The following EDNRA variants were observed in gnomAD, a reference collection of about 807,000 sequenced individuals.
EDNRA encodes the protein endothelin receptor type A, also known as endothelin-1 receptor.
In EDNRA, 11 loss-of-function variants were observed where a neutral mutation model predicts 41.4. The observed-to-expected ratio is 0.27, with a 90% confidence interval of 0.17 to 0.44. The LOEUF is 0.44. EDNRA is among the 20% of genes least tolerant of loss of function. The pLI is 1.00. For synonymous variants in EDNRA, 172 were observed against 183.0 expected (o/e 0.94, Z 0.49); for missense variants, 294 against 531.0 (o/e 0.55, Z 4.39).
chr4:147,481,705 G>C (rs1728764781), intron 1 of EDNRA, among the ~76,000 whole-genome samples: 4 of 152,244 alleles, frequency 2.6e-5, no homozygotes, highest in African/African-American at 9.6e-5. Flanking sequence ...CCCCAGGCAT[G>C]CAAGAACTTT....
At chr4:147,496,594 T>A (rs1729307793) in intron 2 of EDNRA, among the ~76,000 whole-genome samples, 1 of 152,256 alleles carries the variant, frequency 6.6e-6, no homozygotes, top group Non-Finnish European at 1.5e-5. Context: ...GTCACTATCC[T>A]AACCCCTAAG....
intron 2 of EDNRA, among the ~76,000 whole-genome samples, chr4:147,518,093 G>A (rs1258105583): frequency 1.3e-5 from 2 of 152,100 alleles, no homozygotes; most frequent in African/African-American, 2.4e-5. Context: ...TCCCATAACC[G>A]TGCCTACACT....
chr4:147,488,408 T>C (rs1310110693), intron 2 of EDNRA: 1 of 152,240 alleles, frequency 6.6e-6, no homozygotes, highest in East Asian at 1.9e-4. Context: ...TATTCTTATT[T>C]GACCATATTG....
chr4:147,486,253 T>C lies in EDNRA; in HGVS notation c.420+152T>C, dbSNP rs866074394. The C allele has an allele frequency of 2.4e-6, 2 of 841,126 alleles. No homozygotes were observed. Among genetic ancestry groups the C allele is most frequent in the South Asian group, 2.0e-5 (1 of 51,124 alleles). 52.1% of individuals were successfully genotyped at this position (841,126 alleles called of 1,614,324 possible). Reference sequence around the variant, plus strand: ...TCTTCTAACTACTAGTTTTAAGATTTACAAATTTTATTATCTGTCTTATGT... The same window carrying C: ...TCTTCTAACTACTAGTTTTAAGATTCACAAATTTTATTATCTGTCTTATGT... On this transcript the variant is annotated intron_variant, in intron 2 of 7. Transcript: ENST00000651419. The surrounding 1 kb of genome is among the most constrained non-coding windows in gnomAD (Gnocchi z 4.3).
At chr4:147,539,092 G>A (rs1731012926) in intron 5 of EDNRA, among the ~76,000 whole-genome samples, 1 of 151,910 alleles carries the variant, frequency 6.6e-6, no homozygotes, top group Non-Finnish European at 1.5e-5. Context: ...AGGTCAGCAT[G>A]TTTCAGATTT....
chr4:147,481,786 G>A (rs1728767841), intron 1 of EDNRA, among the ~76,000 whole-genome samples: 1 of 152,232 alleles, frequency 6.6e-6, no homozygotes, highest in Admixed American at 6.5e-5. Flanking sequence ...TTTTCTTACT[G>A]GCTTGCTTTT....
At chr4:147,501,561 T>C (rs1031498838) in intron 2 of EDNRA, among the ~76,000 whole-genome samples, 1 of 152,234 alleles carries the variant, frequency 6.6e-6, no homozygotes, top group South Asian at 2.1e-4. Context: ...TTCTTCTGTA[T>C]CTTTCCAGTG....
chr4:147,525,826 T>C (rs892504505), intron 3 of EDNRA, among the ~76,000 whole-genome samples: 1 of 152,170 alleles, frequency 6.6e-6, no homozygotes, highest in African/African-American at 2.4e-5. Context: ...GTTGCAAAGA[T>C]CCATTAATGA....
chr4:147,539,177 A>G (rs559096747), intron 5 of EDNRA, among the ~76,000 whole-genome samples: 2 of 151,934 alleles, frequency 1.3e-5, no homozygotes, highest in Admixed American at 6.6e-5. Context: ...TTTATATGTC[A>G]TTAAGAAACT....
intron 3 of EDNRA, among the ~76,000 whole-genome samples, chr4:147,528,944 C>T (rs1184084051): frequency 6.6e-6 from 1 of 152,070 alleles, no homozygotes; most frequent in Non-Finnish European, 1.5e-5. Context: ...AGCCTCACTC[C>T]AGTTGCTATG....
Position 147,544,113 on chromosome 4 carries a change from C to G in EDNRA, c.*1495C>G, listed in dbSNP as rs2126494160. 6.6e-6 allele frequency: 1 copy of G among 152,656 alleles called. No homozygotes were observed. Among genetic ancestry groups the G allele is most frequent in the Non-Finnish European group, 1.5e-5 (1 of 68,014 alleles). The allele number at this position is 152,656 out of a possible 1,614,324, so 9.5% of individuals were successfully genotyped here. A position where few individuals can be genotyped will look rare whatever the true frequency, so the allele number is the denominator to read the frequency against. ...ATGGTATGTATGGATTTAATCTAAT[C>G]TAATAATTGTGCCCCGCAGTTGTGC... On this transcript the variant is annotated 3_prime_UTR_variant, in exon 8 of 8. Coordinates refer to ENST00000651419, the MANE Select transcript of EDNRA (RefSeq NM_001957.4).
intron 5 of EDNRA, among the ~76,000 whole-genome samples, chr4:147,539,464 A>G (rs1433176307): frequency 6.6e-6 from 1 of 151,758 alleles, no homozygotes; most frequent in African/African-American, 2.4e-5. Context: ...CCCACTACAC[A>G]CACACACAGG....
chr4:147,526,429 T>A (rs925375903), intron 3 of EDNRA, among the ~76,000 whole-genome samples: 1 of 152,288 alleles, frequency 6.6e-6, no homozygotes, highest in East Asian at 1.9e-4. Context: ...GACAGCTGGA[T>A]GTCTGAGCTC....
intron 3 of EDNRA, among the ~76,000 whole-genome samples, chr4:147,522,016 G>C (rs1326234467): frequency 2.0e-5 from 3 of 151,940 alleles, no homozygotes; most frequent in Non-Finnish European, 4.4e-5. Flanking sequence ...CAAATCAGTG[G>C]GAAAACTCGA....
chr4:147,507,740 A>C (rs1222349162), intron 2 of EDNRA, among the ~76,000 whole-genome samples: 3 of 152,236 alleles, frequency 2.0e-5, no homozygotes, highest in Non-Finnish European at 4.4e-5. Context: ...ACATCAAAAA[A>C]ATTGTGCCAT....
intron 2 of EDNRA, among the ~76,000 whole-genome samples, chr4:147,498,404 A>T (rs1729389608): frequency 6.6e-6 from 1 of 152,174 alleles, no homozygotes; most frequent in Non-Finnish European, 1.5e-5. Context: ...TCCAGAGCCC[A>T]CTTTCAAGCA....
Position 147,532,625 on chromosome 4 carries a change from G to C in EDNRA, c.668G>C (p.Gly223Ala), listed in dbSNP as rs1365947741. 1 of 1,614,012 alleles carries C rather than the reference G, an allele frequency of 6.2e-7. No homozygotes were observed. Among genetic ancestry groups the C allele is most frequent in the Non-Finnish European group, 8.5e-7 (1 of 1,180,004 alleles). ...ATCCTGGCCATTCCTGAAGCGATTG[G>C]CTTCGTCATGGTACCCTTTGAATAT... The part of the protein sequence containing the change: ...SFILAIPEAI[G>A]FVMVPFEYRG... The change falls in exon 4 of 8, where the codon GGC (glycine) becomes GCC (alanine). Residue 223 changes from glycine (G) to alanine (A), a missense_variant. By Grantham distance (60) the Gly-to-Ala change is moderately conservative. Transcript: ENST00000651419.
In EDNRA at chr4:147,539,879, T is replaced by C. The variant is rs1349959633; in HGVS notation, c.963T>C (p.Pro321=). The stretch of plus-strand genomic sequence containing the variant: ...TAATTTTTGCTCTTTGCTGGTTCCC[T>C]CTTCATTTAAGCCGTATATTGAAGA... ...LVVIFALCWF[P]LHLSRILKKT... The change falls in exon 6 of 8, where the codon CCT becomes CCC. Residue 321 remains proline (P), a synonymous_variant. Transcript: ENST00000651419. The C allele has an allele frequency of 1.2e-6, 2 of 1,613,466 alleles. No homozygotes were observed. Among genetic ancestry groups the C allele is most frequent in the Non-Finnish European group, 1.7e-6 (2 of 1,179,940 alleles).
In EDNRA at chr4:147,519,755, A is replaced by G. The variant is rs10305899; in HGVS notation, c.421-96A>G. 7.1e-7 allele frequency: 1 copy of G among 1,417,784 alleles called. No homozygotes were observed. Among genetic ancestry groups the G allele is most frequent in the Non-Finnish European group, 9.5e-7 (1 of 1,055,100 alleles). The allele number at this position is 1,417,784 out of a possible 1,614,324, so 87.8% of individuals were successfully genotyped here. On this transcript the variant is annotated intron_variant, in intron 2 of 7. Transcript: ENST00000651419. This position sits in a 1 kb window ranked among gnomAD's most constrained non-coding sequence, Gnocchi z 4.1. ...GTGCTAACTGAAAAGCACTGTGAAT[A>G]AAATTTAGAAGTTGGGACGCATAAC...
Sources: allele counts gnomAD v4.1 joint callset (sites outside exome capture counted in the v4.1 genomes callset), GRCh38; gene constraint gnomAD v4.1.1; non-coding constraint Gnocchi (gnomAD v3.1); transcripts MANE v1.5; gene names NCBI Gene and HGNC (gene_info 2026-07-23, HGNC 2026-07-21).